Variants in CFAP54 observed in about 807,000 individuals in gnomAD.
CFAP54 encodes cilia- and flagella-associated protein 54.
A neutral mutation model predicts 370.4 loss-of-function variants in CFAP54; 290 were observed. The ratio of observed to expected loss-of-function variants is 0.78; its 90% confidence interval spans 0.71 to 0.86. CFAP54 has a LOEUF of 0.86. CFAP54 is among the 40% of genes least tolerant of loss of function. The pLI is 0.00. For missense variants in CFAP54, 3,399 were observed against 3,528.7 expected (o/e 0.96, Z 0.93); for synonymous variants, 1,206 against 1,236.5 (o/e 0.98, Z 0.52).
chr12:96,514,217 A>G (rs767309575), intron 5 of CFAP54, among the ~76,000 whole-genome samples: 15 of 152,190 alleles, frequency 9.9e-5, no homozygotes, highest in Admixed American at 5.9e-4. Flanking sequence ...AACACTCAGG[A>G]GAGATATGTT....
intron 24 of CFAP54, among the ~76,000 whole-genome samples, chr12:96,593,189 G>C (rs1441447343): frequency 6.6e-6 from 1 of 152,068 alleles, no homozygotes; most frequent in Non-Finnish European, 1.5e-5. Context: ...TAGATTCTCA[G>C]TGTGGTTATG....
At chr12:96,704,654 T>A in intron 46 of CFAP54, 89 bp from the exon 47 acceptor site, 1 of 460,914 alleles carries the variant, frequency 2.2e-6, no homozygotes, top group Non-Finnish European at 3.6e-6. Context: ...AAATGATAAT[T>A]AAAATAATTT....
At chr12:96,770,747 G>A (rs1481563561) in intron 60 of CFAP54, among the ~76,000 whole-genome samples, 1 of 152,244 alleles carries the variant, frequency 6.6e-6, no homozygotes, top group Non-Finnish European at 1.5e-5. Flanking sequence ...GGAAAATCCT[G>A]TGGGAGTGTC....
At chr12:96,757,989 A>G (rs1257698449) in intron 58 of CFAP54, among the ~76,000 whole-genome samples, 3 of 152,212 alleles carry the variant, frequency 2.0e-5, no homozygotes, top group Non-Finnish European at 2.9e-5. Flanking sequence ...TTCAATACTG[A>G]TATGGCCTAT....
chr12:96,645,554 C>A (rs1180569683), intron 33 of CFAP54: 2 of 153,312 alleles, frequency 1.3e-5, no homozygotes, highest in African/African-American at 4.8e-5. Flanking sequence ...ATGCCATCCC[C>A]ATCAAGCTAC....
intron 63 of CFAP54, among the ~76,000 whole-genome samples, chr12:96,794,413 C>G (rs1278357060): frequency 1.3e-5 from 2 of 150,456 alleles, no homozygotes; most frequent in African/African-American, 4.9e-5. Flanking sequence ...TCCCAAACTT[C>G]TTGGAGATGT....
intron 50 of CFAP54, among the ~76,000 whole-genome samples, chr12:96,738,115 C>T (rs1305096716): frequency 6.6e-6 from 1 of 152,112 alleles, no homozygotes; most frequent in African/African-American, 2.4e-5. Flanking sequence ...GTGGCTTGAA[C>T]GAACGCGTTA....
At chr12:96,740,485 G>A (rs1054494205) in intron 51 of CFAP54, among the ~76,000 whole-genome samples, 3 of 152,198 alleles carry the variant, frequency 2.0e-5, no homozygotes, top group Non-Finnish European at 4.4e-5. Context: ...TTAGAATCTT[G>A]CATTCAAGCT....
At chr12:96,702,604 C>A (rs1957503758) in intron 46 of CFAP54, among the ~76,000 whole-genome samples, 1 of 152,080 alleles carries the variant, frequency 6.6e-6, no homozygotes, top group Non-Finnish European at 1.5e-5. Flanking sequence ...AAGTAGATTC[C>A]AAACTTCATT....
chr12:96,836,594 T>G (rs1470957619), intron 66 of CFAP54, among the ~76,000 whole-genome samples: 1 of 152,208 alleles, frequency 6.6e-6, no homozygotes, highest in Non-Finnish European at 1.5e-5. Context: ...ATGCCTCTCC[T>G]TTACTCTGAA....
At chr12:96,678,095 A>G (rs1364207520) in intron 39 of CFAP54, among the ~76,000 whole-genome samples, 3 of 152,028 alleles carry the variant, frequency 2.0e-5, no homozygotes, top group Admixed American at 6.6e-5. Flanking sequence ...TCTTCCATTC[A>G]TCTCTTCTTA....
intron 26 of CFAP54, among the ~76,000 whole-genome samples, chr12:96,614,110 C>G (rs1186150751): frequency 6.6e-6 from 1 of 152,090 alleles, no homozygotes; most frequent in Admixed American, 6.5e-5. Flanking sequence ...TGTGAAAATC[C>G]TCAATAAAAT....
Position 96,784,784 on chromosome 12 carries a change from C to A in CFAP54, c.8349C>A (p.Ser2783Arg), listed in dbSNP as rs117320250. The A allele has an allele frequency of 2.6e-6, 4 of 1,534,504 alleles. No homozygotes were observed. Among genetic ancestry groups the A allele is most frequent in the South Asian group, 2.4e-5 (2 of 83,908 alleles). The change falls in exon 61 of 68, where the codon AGC becomes AGA. Residue 2783 changes from serine to arginine, a missense_variant. Ser to Arg is a moderately radical substitution (Grantham distance 110, BLOSUM62 -1). Coordinates refer to ENST00000524981, the MANE Select transcript of CFAP54 (RefSeq NM_001306084.2). Reference sequence around the variant, plus strand: ...ACCAAAATGATGATGTGTGTGACAGCGCAGATGGTAGAAAAAAGACTCAGA... The same window carrying A: ...ACCAAAATGATGATGTGTGTGACAGAGCAGATGGTAGAAAAAAGACTCAGA... ...FLYQNDDVCD[S>R]ADGRKKTQTK... is the part of the protein sequence containing the mutation.
intron 26 of CFAP54, among the ~76,000 whole-genome samples, chr12:96,602,058 A>G (rs1326568302): frequency 2.6e-5 from 4 of 152,080 alleles, no homozygotes; most frequent in Non-Finnish European, 5.9e-5. Context: ...TAGGGTGTCA[A>G]TCTTAGATCT....
At chr12:96,863,979 CT>C (rs1565766557) in intron 67 of CFAP54, among the ~76,000 whole-genome samples, 1 of 152,132 alleles carries the variant, frequency 6.6e-6, no homozygotes, top group African/African-American at 2.4e-5. Context: ...GCAACACTCA[CT>C]GGTTAAAGCT....
chr12:96,549,323 A>G (rs1388797383), intron 15 of CFAP54, among the ~76,000 whole-genome samples: 3 of 152,184 alleles, frequency 2.0e-5, no homozygotes, highest in Non-Finnish European at 4.4e-5. Context: ...ACTATATGAA[A>G]TGGATTTCTT....
intron 27 of CFAP54, among the ~76,000 whole-genome samples, 152 bp downstream of exon 27, chr12:96,621,873 T>G (rs1956495890): frequency 9.2e-6 from 1 of 109,248 alleles, no homozygotes; most frequent in Non-Finnish European, 1.9e-5. Flanking sequence ...GCTTTTGGGT[T>G]TGTTTTTTTT....
intron 3 of CFAP54, among the ~76,000 whole-genome samples, chr12:96,506,584 C>CT (rs1465934204): frequency 3.4e-5 from 4 of 119,204 alleles, no homozygotes; most frequent in African/African-American, 9.7e-5. Flanking sequence ...TCTTTCTTTT[C>CT]TTTTCTTTTT....
chr12:96,629,996 T>G, intron 30 of CFAP54, 97 bp from the exon 31 acceptor site: 1 of 534,308 alleles, frequency 1.9e-6, no homozygotes, highest in Admixed American at 3.4e-5. Context: ...TTAGATATTC[T>G]TGTATACTTT....
Sources: gnomAD v4.1 joint callset for allele counts (sites outside exome capture counted in the v4.1 genomes callset) on GRCh38, gnomAD v4.1.1 for gene constraint, MANE v1.5 for transcripts, NCBI Gene and HGNC (gene_info 2026-07-23, HGNC 2026-07-21) for gene names.